RNF6: variants seen among roughly 807,000 people sequenced by gnomAD.
RNF6 encodes E3 ubiquitin-protein ligase RNF6.
In RNF6, 21 loss-of-function variants were observed where a neutral mutation model predicts 50.1. The ratio of observed to expected loss-of-function variants is 0.42; its 90% CI spans 0.30 to 0.60. The LOEUF (loss-of-function observed/expected upper bound fraction) is 0.60, where lower values mean the gene tolerates loss of function less well. RNF6 is among the 20% of genes least tolerant of loss of function. The probability of loss-of-function intolerance (pLI) is 0.20; values close to 1 mark genes in which losing one functional copy is unlikely to be tolerated. For missense variants in RNF6, 698 were observed against 838.2 expected, an observed-to-expected ratio of 0.83 and a Z score of 2.07; for synonymous variants, 255 against 291.8, an observed-to-expected ratio of 0.87 and a Z score of 1.29.
At chr13:26,176,360 G>A (rs1872956702) in intron 5 of RNF6, among the ~76,000 whole-genome samples, 2 of 152,034 alleles carry the variant, frequency 1.3e-5, no homozygotes, top group Non-Finnish European at 1.5e-5. Context: ...CACAATCATA[G>A]CTCACTGTAT....
intron 5 of RNF6, among the ~76,000 whole-genome samples, chr13:26,163,263 G>A (rs1437545384): frequency 6.6e-6 from 1 of 151,572 alleles, no homozygotes; most frequent in Admixed American, 6.6e-5. Flanking sequence ...AGTGAGTCGA[G>A]ATCGCGCCAT....
chr13:26,213,573 T>C lies in RNF6; in HGVS notation c.*251A>G, dbSNP rs940095471. ...GCTTAGCATGACAAAATTACCAAAA[T>C]AAAAACATTTTAGAGGTTATTTGGT... is the stretch of plus-strand genomic sequence containing the variant. On this transcript the variant is annotated 3_prime_UTR_variant, in exon 5 of 5. Transcript: ENST00000381588. 1 of 312,770 alleles carries C rather than the reference T, an allele frequency of 3.2e-6. No individual in the cohort carries two copies. Among genetic ancestry groups the C allele is most frequent in the African/African-American group, 2.2e-5 (1 of 46,120 alleles). 19.4% of individuals were successfully genotyped at this position (312,770 alleles called of 1,614,324 possible).
chr13:26,204,956 A>C (rs1869050364), intron 5 of RNF6, among the ~76,000 whole-genome samples: 1 of 152,190 alleles, frequency 6.6e-6, no homozygotes, highest in Non-Finnish European at 1.5e-5. Context: ...CAAGGTGAAC[A>C]GAGACCATAC....
intron 5 of RNF6, among the ~76,000 whole-genome samples, chr13:26,133,762 T>C (rs1299120937): frequency 1.3e-5 from 2 of 152,204 alleles, no homozygotes; most frequent in Non-Finnish European, 2.9e-5. Flanking sequence ...ATGTTTGTAA[T>C]TGCTCCCTGA....
At chr13:26,163,043 G>T (rs1190834840) in intron 5 of RNF6, among the ~76,000 whole-genome samples, 1 of 152,102 alleles carries the variant, frequency 6.6e-6, no homozygotes. Context: ...GGGCGCGGTG[G>T]CTCATGCCTG....
downstream of RNF6, among the ~76,000 whole-genome samples, chr13:26,208,015 C>T (rs1364836677): frequency 1.3e-5 from 2 of 152,184 alleles, no homozygotes. Context: ...AAAGGGACAA[C>T]CTAGTAGACA....
In RNF6 at chr13:26,164,710, T is replaced by TA. The variant is rs531367966; in HGVS notation, n.769-32260dup. Among the ~76,000 whole-genome samples, 677 of 152,292 alleles carry TA rather than the reference T, an allele frequency of 4.4e-3. 1 individual carries two copies. Among genetic ancestry groups the TA allele is most frequent in the Non-Finnish European group, 7.1e-3 (480 of 68,026 alleles). On this transcript the variant is annotated intron_variant and non_coding_transcript_variant, in intron 5 of 5. Transcript: ENST00000468480. ...CTGGTTCTGCTTGCTTTTCTTTACT[T>TA]ATTTGTTTCATTCCTTTTACTGCCT... is the stretch of plus-strand genomic sequence containing the variant.
intron 5 of RNF6, among the ~76,000 whole-genome samples, chr13:26,172,719 A>G (rs1052500560): frequency 6.6e-5 from 10 of 152,156 alleles, no homozygotes; most frequent in African/African-American, 2.4e-4. Context: ...AATTTTCTGT[A>G]TTTTTAGTAC....
At chr13:26,184,528 ATT>A (rs1198838786) in intron 5 of RNF6, among the ~76,000 whole-genome samples, 1 of 152,222 alleles carries the variant, frequency 6.6e-6, no homozygotes, top group African/African-American at 2.4e-5. Flanking sequence ...CAACAGTATA[ATT>A]TAGTTGTCTT....
At position 26,215,540 on chromosome 13, in the gene RNF6, C is replaced by T. The variant is rs569216154; in HGVS notation, c.342G>A (p.Leu114=). Residue 114 remains leucine (L), a synonymous_variant, in exon 5 of 5, where the codon TTG becomes TTA. Transcript: ENST00000381588. ...CATTTCCTGTGCGCCGAAAGGTGTT[C>T]AACCATTCTAGAAGAGAATCTTCAT... The part of the protein sequence containing the change: ...SSHEDSLLEW[L]NTFRRTGNAT... The T allele has an allele frequency of 1.2e-6, 2 of 1,612,214 alleles. No homozygotes were observed. Among genetic ancestry groups the T allele is most frequent in the African/African-American group, 1.3e-5 (1 of 75,014 alleles).
chr13:26,215,908 C>A (rs574956916), intron 4 of RNF6, among the ~76,000 whole-genome samples: 1 of 152,280 alleles, frequency 6.6e-6, no homozygotes, highest in Non-Finnish European at 1.5e-5. Flanking sequence ...AACATGTCCA[C>A]TACCAAAAGT....
At chr13:26,207,443 T>C (rs1035949906) in intron 5 of RNF6, among the ~76,000 whole-genome samples, 5 of 151,918 alleles carry the variant, frequency 3.3e-5, no homozygotes, top group African/African-American at 1.2e-4. Context: ...AAACAGAATA[T>C]GAGACTACTT....
Position 26,219,485 on chromosome 13 carries a change from C to G in RNF6, c.165G>C (p.Met55Ile). Reference sequence around the variant, plus strand: ...GGGTGCCTAAAAGATTATGGTCTCTCATAAGCCGATAATCTTCATCATTGA... The same window carrying G: ...GGGTGCCTAAAAGATTATGGTCTCTGATAAGCCGATAATCTTCATCATTGA... Reference protein sequence around the residue: ...NELNDEDYRLMRDHNLLGTPG... With the variant: ...NELNDEDYRLIRDHNLLGTPG... The change falls in exon 3 of 5, where the codon ATG (methionine) becomes ATC (isoleucine). Residue 55 changes from methionine (M) to isoleucine (I), a missense_variant. Coordinates refer to ENST00000381588, the MANE Select transcript of RNF6 (RefSeq NM_005977.4). The G allele has an allele frequency of 1.2e-6, 2 of 1,613,626 alleles. No homozygotes were observed. The highest frequency in any genetic ancestry group is 1.7e-6 in the Non-Finnish European group (2 of 1,179,734).
In RNF6 at chr13:26,144,241, C is replaced by T. The variant is rs1458362390; in HGVS notation, n.769-11790G>A. On this transcript the variant is annotated intron_variant and non_coding_transcript_variant, in intron 5 of 5. Coordinates refer to the RNF6 transcript ENST00000468480. ...CCACCATGGCCACTTTGTTTATGGGCTCAATGGGCAACAATAAGGGTGGCT... is the reference window on the plus strand; with the variant it reads ...CCACCATGGCCACTTTGTTTATGGGTTCAATGGGCAACAATAAGGGTGGCT... 2.0e-5 allele frequency among the ~76,000 whole-genome samples: 3 copies of T among 152,162 alleles called. No homozygotes were observed. The East Asian group carries it at 5.8e-4, about 29-fold the overall frequency.
At chr13:26,145,743 T>C (rs1046996564) in intron 5 of RNF6, among the ~76,000 whole-genome samples, 1 of 152,198 alleles carries the variant, frequency 6.6e-6, no homozygotes, top group African/African-American at 2.4e-5. Flanking sequence ...ACTAATACGA[T>C]GGGGCACTGA....
intron 4 of RNF6, among the ~76,000 whole-genome samples, chr13:26,217,869 T>C (rs1870058083): frequency 6.6e-6 from 1 of 152,250 alleles, no homozygotes; most frequent in African/African-American, 2.4e-5. Context: ...CCCTGGACTG[T>C]TAACGTAAGT....
At chr13:26,172,805 A>G (rs1308284018) in intron 5 of RNF6, among the ~76,000 whole-genome samples, 1 of 152,156 alleles carries the variant, frequency 6.6e-6, no homozygotes, top group African/African-American at 2.4e-5. Flanking sequence ...GGCCTCCCAA[A>G]GTGCTGGGAT....
chr13:26,178,295 A>C (rs1223858795), intron 5 of RNF6, among the ~76,000 whole-genome samples: 1 of 152,186 alleles, frequency 6.6e-6, no homozygotes. Context: ...CCCAGCAGTC[A>C]GTGTCTTGGG....
chr13:26,215,214 T>G lies in RNF6; in HGVS notation c.668A>C (p.Asn223Thr). The G allele has an allele frequency of 6.2e-7, 1 of 1,614,190 alleles. No homozygotes were observed. Residue 223 changes from asparagine (N) to threonine (T), a missense_variant, in exon 5 of 5, where the codon AAT becomes ACT. By Grantham distance (65) the Asn-to-Thr change is moderately conservative. Coordinates refer to ENST00000381588, the MANE Select transcript of RNF6 (RefSeq NM_005977.4). ...PRTRLASRGQNPAEGSFSTLG... is the reference protein window; with the variant it reads ...PRTRLASRGQTPAEGSFSTLG... Reference sequence around the variant, plus strand: ...TGTTGAGAAAGATCCTTCAGCTGGATTTTGCCCCCTTGAAGCAAGCCTAGT... The same window carrying G: ...TGTTGAGAAAGATCCTTCAGCTGGAGTTTGCCCCCTTGAAGCAAGCCTAGT...
Sources: allele counts gnomAD v4.1 joint callset (sites outside exome capture counted in the v4.1 genomes callset), GRCh38; gene constraint gnomAD v4.1.1; transcripts MANE v1.5; gene names NCBI Gene and HGNC (gene_info 2026-07-23, HGNC 2026-07-21).